Variants in MTMR2 observed in about 807,000 individuals in gnomAD.
MTMR2 encodes phosphatidylinositol-3,5-bisphosphate 3-phosphatase MTMR2.
In MTMR2, 55 loss-of-function variants were observed where a neutral mutation model predicts 86.9. The ratio of observed to expected loss-of-function variants is 0.63; its 90% CI spans 0.51 to 0.79. The LOEUF (loss-of-function observed/expected upper bound fraction) is 0.79. MTMR2 is among the 30% of genes least tolerant of loss of function. MTMR2 has a pLI of 0.00. For synonymous variants in MTMR2, 241 were observed against 266.8 expected (o/e 0.90, Z 0.94); for missense variants, 659 against 772.3 (o/e 0.85, Z 1.74).
At chr11:95,901,915 C>T (rs1591038892) in intron 1 of MTMR2, among the ~76,000 whole-genome samples, 1 of 151,942 alleles carries the variant, frequency 6.6e-6, no homozygotes, top group South Asian at 2.1e-4. Flanking sequence ...TTTTGGACAA[C>T]AAAAAACAAG....
chr11:95,899,554 C>T (rs1365941518), intron 1 of MTMR2, among the ~76,000 whole-genome samples: 1 of 151,696 alleles, frequency 6.6e-6, no homozygotes, highest in African/African-American at 2.4e-5. Flanking sequence ...TATATATGCT[C>T]CCCAATTATA....
At chr11:95,843,694 T>C (rs1220519249) in intron 11 of MTMR2, among the ~76,000 whole-genome samples, 3 of 152,186 alleles carry the variant, frequency 2.0e-5, no homozygotes, top group African/African-American at 4.8e-5. Context: ...TCATTAAATT[T>C]GCAAAAGTAA....
chr11:95,923,599 G>T, intron 1 of MTMR2: 1 of 1,204,612 alleles, frequency 8.3e-7, no homozygotes, highest in South Asian at 1.8e-5. Flanking sequence ...AAAGACAGGA[G>T]AAAGTAATTA....
chr11:95,897,778 C>G (rs375471387), intron 1 of MTMR2, among the ~76,000 whole-genome samples: 1 of 152,120 alleles, frequency 6.6e-6, no homozygotes, highest in South Asian at 2.1e-4. Context: ...AGTAACTCTT[C>G]TCTCTAAATG....
At chr11:95,881,027 T>C (rs1238990867) in intron 2 of MTMR2, among the ~76,000 whole-genome samples, 2 of 152,124 alleles carry the variant, frequency 1.3e-5, no homozygotes, top group African/African-American at 4.8e-5. Flanking sequence ...GTCATAATGA[T>C]ATTGTCATAT....
intron 2 of MTMR2, among the ~76,000 whole-genome samples, chr11:95,881,976 T>C (rs150096786): frequency 1.6e-4 from 24 of 152,246 alleles, no homozygotes; most frequent in African/African-American, 5.8e-4. Context: ...CGGGCTAAGG[T>C]TGATTTTTTT....
chr11:95,858,353 T>G (rs902953048), intron 6 of MTMR2, among the ~76,000 whole-genome samples, 178 bp downstream of exon 6: 7 of 152,192 alleles, frequency 4.6e-5, no homozygotes, highest in Non-Finnish European at 1.0e-4. Flanking sequence ...TAGTCCAGCT[T>G]CCTTTATTTC....
intron 2 of MTMR2, among the ~76,000 whole-genome samples, chr11:95,869,676 C>T (rs1412409956): frequency 6.6e-6 from 1 of 152,024 alleles, no homozygotes; most frequent in Non-Finnish European, 1.5e-5. Flanking sequence ...AAGAGTCTGA[C>T]ACAACTTAGG....
chr11:95,863,879 T>C (rs1435155132), intron 3 of MTMR2, among the ~76,000 whole-genome samples: 2 of 152,136 alleles, frequency 1.3e-5, no homozygotes, highest in Non-Finnish European at 2.9e-5. Context: ...CTATCATTCC[T>C]CAAGAGATCA....
chr11:95,912,586 T>C (rs1377378665), intron 1 of MTMR2, among the ~76,000 whole-genome samples: 2 of 151,856 alleles, frequency 1.3e-5, no homozygotes, highest in Non-Finnish European at 2.9e-5. Flanking sequence ...CATATAAAGT[T>C]ACAAATCAGT....
chr11:95,861,510 G>A (rs968052989), intron 5 of MTMR2, among the ~76,000 whole-genome samples: 11 of 151,432 alleles, frequency 7.3e-5, no homozygotes, highest in African/African-American at 1.9e-4. Flanking sequence ...TGCAACATCC[G>A]CCTCCCAGGT....
chr11:95,874,182 A>G (rs1211356074), intron 2 of MTMR2, among the ~76,000 whole-genome samples: 1 of 152,122 alleles, frequency 6.6e-6, no homozygotes, highest in Non-Finnish European at 1.5e-5. Context: ...TCTGTCTAAT[A>G]TTGACAGTGG....
chr11:95,921,647 A>G (rs1202987878), intron 1 of MTMR2, among the ~76,000 whole-genome samples: 1 of 152,234 alleles, frequency 6.6e-6, no homozygotes, highest in Non-Finnish European at 1.5e-5. Context: ...ATGATGATTA[A>G]TGAAATAAAA....
At chr11:95,911,926 T>G (rs890951748) in intron 1 of MTMR2, among the ~76,000 whole-genome samples, 1 of 152,166 alleles carries the variant, frequency 6.6e-6, no homozygotes, top group African/African-American at 2.4e-5. Flanking sequence ...TAGAAAGTCA[T>G]ATATCCATTA....
chr11:95,905,307 T>G (rs982179301), intron 1 of MTMR2, among the ~76,000 whole-genome samples: 2 of 145,004 alleles, frequency 1.4e-5, no homozygotes, highest in African/African-American at 5.2e-5. Context: ...TGTGATATTC[T>G]TACACACACA....
chr11:95,847,711 C>A lies in MTMR2; in HGVS notation c.1179+3G>T, dbSNP rs754494874. The A allele has an allele frequency of 6.3e-7, 1 of 1,588,366 alleles. No homozygotes were observed. Among genetic ancestry groups the A allele is most frequent in the East Asian group, 2.2e-5 (1 of 44,820 alleles). ...TGTTTGGGATATAGTAACACACACC[C>A]ACCTTAATATGTTCTAGCCAATGAG... On this transcript the variant is annotated splice_donor_region_variant and intron_variant, in intron 10 of 14. Coordinates refer to ENST00000346299, the MANE Select transcript of MTMR2 (RefSeq NM_016156.6).
At chr11:95,909,946 A>C (rs548351623) in intron 1 of MTMR2, among the ~76,000 whole-genome samples, 4 of 152,236 alleles carry the variant, frequency 2.6e-5, no homozygotes, top group Admixed American at 1.3e-4. Context: ...ACTAGGCCCT[A>C]AAAGTACTTT....
intron 8 of MTMR2, 116 bp downstream of exon 8, chr11:95,850,484 T>A: frequency 9.2e-7 from 1 of 1,086,062 alleles, no homozygotes. Context: ...AATATCCCCA[T>A]GAAAGACCTG....
chr11:95,864,267 T>C (rs1335088939), intron 3 of MTMR2, among the ~76,000 whole-genome samples: 3 of 151,502 alleles, frequency 2.0e-5, no homozygotes, highest in Admixed American at 6.6e-5. Context: ...CCGAAAAGAG[T>C]ATACAGGAGG....
Sources: gnomAD v4.1 joint callset for allele counts (sites outside exome capture counted in the v4.1 genomes callset) on GRCh38, gnomAD v4.1.1 for gene constraint, MANE v1.5 for transcripts, NCBI Gene and HGNC (gene_info 2026-07-23, HGNC 2026-07-21) for gene names.